Variants in MYBL2 observed in about 807,000 individuals in gnomAD.
MYBL2 encodes MYB proto-oncogene like 2, also known as myb-related protein B.
MYBL2 carries 28 observed loss-of-function variants against 79.9 expected under a neutral mutation model. The ratio of observed to expected loss-of-function variants is 0.35; its 90% confidence interval spans 0.26 to 0.48. MYBL2 has a LOEUF of 0.48. Among genes scored for constraint, MYBL2 ranks in the 20% least tolerant of loss-of-function variants. The pLI, the probability that MYBL2 is intolerant of heterozygous loss-of-function variation, is 0.99. For missense variants in MYBL2, 735 were observed against 893.9 expected, an observed-to-expected ratio of 0.82 and a Z score of 2.27; for synonymous variants, 378 against 361.2, an observed-to-expected ratio of 1.05 and a Z score of -0.53.
At chr20:43,668,351 TCAC>T (rs1483395389) in intron 1 of MYBL2, among the ~76,000 whole-genome samples, 1 of 151,842 alleles carries the variant, frequency 6.6e-6, no homozygotes, top group African/African-American at 2.4e-5. Context: ...CAGGCACGTG[TCAC>T]CACGTCGGGC....
chr20:43,681,954 T>A (rs1987154679), intron 3 of MYBL2, 99 bp downstream of exon 3: 1 of 1,256,880 alleles, frequency 8.0e-7, no homozygotes, highest in African/African-American at 1.5e-5. Context: ...AGGGAGTTCC[T>A]TACTCAGCCC....
chr20:43,695,190 C>T (rs575117320), intron 6 of MYBL2, among the ~76,000 whole-genome samples: 4 of 152,110 alleles, frequency 2.6e-5, no homozygotes, highest in East Asian at 1.9e-4. Flanking sequence ...TATAGGCATT[C>T]GCCACCATCC....
chr20:43,706,590 C>T (rs927700206), intron 9 of MYBL2, among the ~76,000 whole-genome samples: 4 of 151,622 alleles, frequency 2.6e-5, no homozygotes, highest in Non-Finnish European at 2.9e-5. Context: ...CTCCAAAGTC[C>T]GGCTCAGTGG....
chr20:43,705,560 C>A (rs905013195), intron 9 of MYBL2, among the ~76,000 whole-genome samples: 2 of 152,106 alleles, frequency 1.3e-5, no homozygotes, highest in Non-Finnish European at 2.9e-5. Context: ...CTTTGCTTTT[C>A]CTCATTTGTA....
rs1381808271 is a variant in MYBL2, at chr20:43,716,257, C to G, written c.*170C>G. ...ACAGGGCCATGTGCTGCCCTGTTGC[C>G]GAGCCCAGCTGTGGGCGGCTCCTGG... On this transcript the variant is annotated 3_prime_UTR_variant, in exon 14 of 14. Transcript: ENST00000217026. 4.0e-6 allele frequency: 4 copies of G among 1,009,166 alleles called. No homozygotes were observed. The highest frequency in any genetic ancestry group is 6.7e-5 in the Admixed American group (2 of 30,066). The allele number at this position is 1,009,166 out of a possible 1,614,324, so 62.5% of individuals were successfully genotyped here. A position where few individuals can be genotyped will look rare whatever the true frequency, so the allele number is the denominator to read the frequency against.
chr20:43,705,505 GCCA>G, intron 9 of MYBL2, 147 bp downstream of exon 9: 1 of 945,358 alleles, frequency 1.1e-6, no homozygotes, highest in East Asian at 3.3e-5. Context: ...CTCCTTTCTG[GCCA>G]CCACGATTTA....
rs753650851 is a variant in MYBL2 at position 43,716,071 on chromosome 20, C to T, written c.2087C>T (p.Thr696Ile). 2 of 1,608,334 alleles carry T rather than the reference C, an allele frequency of 1.2e-6. No individual in the cohort carries two copies. Among genetic ancestry groups the T allele is most frequent in the Non-Finnish European group, 1.7e-6 (2 of 1,179,786 alleles). ...CTGAAGCCCAGCCACACATCTCGGA[C>T]CCTCATCTTGTCCTGAGGTGTTGAG... ...GRLKPSHTSR[T>I]LILS Residue 696 changes from threonine to isoleucine, a missense_variant, in exon 14 of 14, where the codon ACC becomes ATC. Transcript: ENST00000217026.
chr20:43,672,427 C>CAA (rs3091561), intron 1 of MYBL2, among the ~76,000 whole-genome samples: 1 of 144,998 alleles, frequency 6.9e-6, no homozygotes, highest in Admixed American at 6.9e-5. Flanking sequence ...CCTGTCATTA[C>CAA]AAAAAAAAAA....
chr20:43,693,617 G>A (rs73116561), intron 6 of MYBL2, among the ~76,000 whole-genome samples: 132 of 152,244 alleles, frequency 8.7e-4, no homozygotes, highest in Non-Finnish European at 1.6e-3. Flanking sequence ...CATTACAGAC[G>A]TGAGCCAGCA....
chr20:43,676,812 GT>G (rs1217042452), intron 2 of MYBL2, among the ~76,000 whole-genome samples: 2 of 148,768 alleles, frequency 1.3e-5, no homozygotes, highest in South Asian at 2.1e-4. Flanking sequence ...GTTCTTCAGT[GT>G]TTTTTGTTTT....
chr20:43,682,504 C>T (rs545737880), intron 3 of MYBL2, among the ~76,000 whole-genome samples: 1 of 152,342 alleles, frequency 6.6e-6, no homozygotes, highest in African/African-American at 2.4e-5. Context: ...AAGCAGGGGT[C>T]CCTGACGTAC....
intron 8 of MYBL2, among the ~76,000 whole-genome samples, chr20:43,704,342 T>TC (rs1421162452): frequency 2.6e-5 from 4 of 152,130 alleles, no homozygotes; most frequent in Non-Finnish European, 4.4e-5. Flanking sequence ...AGGCCCTATC[T>TC]CCAAGTATTA....
At chr20:43,672,152 A>C (rs1306784060) in intron 1 of MYBL2, among the ~76,000 whole-genome samples, 1 of 150,968 alleles carries the variant, frequency 6.6e-6, no homozygotes, top group African/African-American at 2.5e-5. Flanking sequence ...CAGAGGTTAC[A>C]GTGAGCTGAG....
chr20:43,675,458 C>T (rs543472820), intron 2 of MYBL2, among the ~76,000 whole-genome samples: 107 of 152,034 alleles, frequency 7.0e-4, no homozygotes, highest in African/African-American at 2.5e-3. Flanking sequence ...GGATTACAGG[C>T]ACCCGCCATC....
At chr20:43,684,205 G>T (rs936660672) in intron 4 of MYBL2, among the ~76,000 whole-genome samples, 1 of 150,544 alleles carries the variant, frequency 6.6e-6, no homozygotes, top group Non-Finnish European at 1.5e-5. Context: ...GGGATTGTAG[G>T]TATGAGCCAC....
At chr20:43,687,107 C>T (rs375726096) in intron 5 of MYBL2, 35 bp downstream of exon 5, 27 of 1,598,646 alleles carry the variant, frequency 1.7e-5, no homozygotes, top group African/African-American at 9.4e-5. Flanking sequence ...GACAGGTTCC[C>T]GGGAGGCCAG....
At chr20:43,687,195 G>A in intron 5 of MYBL2, 123 bp downstream of exon 5, 2 of 984,242 alleles carry the variant, frequency 2.0e-6, no homozygotes, top group Non-Finnish European at 3.0e-6. Context: ...CCCAGCCTCG[G>A]CTCCAGGGCT....
At chr20:43,715,791 C>T (rs527818046) in intron 13 of MYBL2, among the ~76,000 whole-genome samples, 168 bp from the exon 14 acceptor site, 190 of 152,234 alleles carry the variant, frequency 1.2e-3, no homozygotes, top group African/African-American at 4.3e-3. Flanking sequence ...AGCCCACAGC[C>T]AGGAAGTGAC....
In MYBL2 at chr20:43,711,560, G is replaced by C. The variant is rs756959609; in HGVS notation, c.1678G>C (p.Glu560Gln). ...TGAGGCTGGCATCGAACTCATCATCGAGGACGACATCAGGCCCGAGAAGCA... is the reference window on the plus strand; with the variant it reads ...TGAGGCTGGCATCGAACTCATCATCCAGGACGACATCAGGCCCGAGAAGCA... ...RSEAGIELIIEDDIRPEKQKR... is the reference protein window; with the variant it reads ...RSEAGIELIIQDDIRPEKQKR... The change falls in exon 11 of 14, where the codon GAG becomes CAG. Residue 560 changes from glutamate (E) to glutamine (Q), a missense_variant. Physicochemically the swap from Glu to Gln is conservative, Grantham distance 29. Coordinates refer to ENST00000217026, the MANE Select transcript of MYBL2 (RefSeq NM_002466.4). The C allele has an allele frequency of 1.9e-6, 3 of 1,613,748 alleles. No homozygotes were observed. In the African/African-American group the frequency reaches 4.0e-5, roughly 22 times the overall value.
Sources: allele counts gnomAD v4.1 joint callset (sites outside exome capture counted in the v4.1 genomes callset), GRCh38; gene constraint gnomAD v4.1.1; transcripts MANE v1.5; gene names NCBI Gene and HGNC (gene_info 2026-07-23, HGNC 2026-07-21).